Variants in ADAM12 observed in about 807,000 individuals in gnomAD.
ADAM12 encodes the protein disintegrin and metalloproteinase domain-containing protein 12.
A neutral mutation model predicts 106.4 loss-of-function variants in ADAM12; 70 were observed. That is an observed-to-expected ratio of 0.66 (90% CI 0.54 to 0.80). The LOEUF (loss-of-function observed/expected upper bound fraction) is 0.80. ADAM12 is among the 30% of genes least tolerant of loss of function. ADAM12 has a pLI of 0.00. For missense variants in ADAM12, 1,010 were observed against 1,171.9 expected, an observed-to-expected ratio of 0.86 and a Z score of 2.02; for synonymous variants, 420 against 433.5, an observed-to-expected ratio of 0.97 and a Z score of 0.39.
At position 126,134,340 on chromosome 10, in the gene ADAM12, G is replaced by A. The variant is rs1038641377; in HGVS notation, c.416+1244C>T. 1.3e-4 allele frequency among the ~76,000 whole-genome samples: 20 copies of A among 152,292 alleles called. 1 individual carries two copies. Among genetic ancestry groups the A allele is most frequent in the African/African-American group, 2.6e-4 (11 of 41,570 alleles). On this transcript the variant is annotated intron_variant, in intron 5 of 22. Coordinates refer to ENST00000448723, the MANE Select transcript of ADAM12 (RefSeq NM_001288973.2). ...CAGGGTTGGGTGACAAAAGAAAGCC[G>A]TAGAATGATGTATATGATGTGACTC...
intron 3 of ADAM12, among the ~76,000 whole-genome samples, chr10:126,237,947 G>A (rs1231411866): frequency 6.6e-6 from 1 of 152,174 alleles, no homozygotes; most frequent in Admixed American, 6.5e-5. Context: ...GTGACACACC[G>A]TTTGTTGAAT....
chr10:126,071,394 G>A, intron 12 of ADAM12, 83 bp downstream of exon 12: 1 of 1,518,154 alleles, frequency 6.6e-7, no homozygotes, highest in African/African-American at 1.4e-5. Flanking sequence ...TCATCTGGCT[G>A]TACAGTTCCT....
At chr10:126,320,058 C>A (rs975446673) in intron 2 of ADAM12, among the ~76,000 whole-genome samples, 1 of 152,186 alleles carries the variant, frequency 6.6e-6, no homozygotes, top group Non-Finnish European at 1.5e-5. Flanking sequence ...CGAAAACCTT[C>A]GCTATTACAA....
intron 2 of ADAM12, among the ~76,000 whole-genome samples, chr10:126,318,502 AC>A (rs1853968727): frequency 6.9e-6 from 1 of 145,478 alleles, no homozygotes; most frequent in African/African-American, 2.5e-5. Flanking sequence ...TCAGAGCCAC[AC>A]TCTCTCACAC....
intron 3 of ADAM12, among the ~76,000 whole-genome samples, chr10:126,180,032 G>C (rs1957285551): frequency 6.6e-6 from 1 of 152,138 alleles, no homozygotes; most frequent in Admixed American, 6.5e-5. Context: ...TAGGCTACAA[G>C]GTCCATACAA....
chr10:126,268,255 T>C (rs552398844), intron 3 of ADAM12, among the ~76,000 whole-genome samples: 6 of 152,384 alleles, frequency 3.9e-5, no homozygotes, highest in African/African-American at 1.4e-4. Context: ...GTCTGAGTCA[T>C]TTCACTTAGC....
At chr10:126,259,508 T>C (rs1456349651) in intron 3 of ADAM12, among the ~76,000 whole-genome samples, 1 of 152,236 alleles carries the variant, frequency 6.6e-6, no homozygotes, top group Non-Finnish European at 1.5e-5. Context: ...CTCATTTCTT[T>C]GTTCACTCAA....
intron 1 of ADAM12, among the ~76,000 whole-genome samples, chr10:126,347,136 G>T (rs1003864966): frequency 6.6e-6 from 1 of 152,154 alleles, no homozygotes. Context: ...TTTACAATTT[G>T]GCATGTTTTT....
At chr10:126,318,356 T>A (rs952110956) in intron 2 of ADAM12, among the ~76,000 whole-genome samples, 4 of 150,722 alleles carry the variant, frequency 2.7e-5, no homozygotes, top group Admixed American at 2.0e-4. Flanking sequence ...ACATTCACAC[T>A]CTCTCACTCG....
At chr10:126,335,554 T>G (rs1209973957) in intron 1 of ADAM12, among the ~76,000 whole-genome samples, 2 of 152,186 alleles carry the variant, frequency 1.3e-5, no homozygotes, top group Admixed American at 6.5e-5. Context: ...GTGGTGATGC[T>G]CCTATAAATG....
chr10:126,328,938 T>C (rs1159634998), intron 2 of ADAM12, among the ~76,000 whole-genome samples: 1 of 152,110 alleles, frequency 6.6e-6, no homozygotes, highest in Non-Finnish European at 1.5e-5. Context: ...TTGTGATGTC[T>C]GCCAGGTGGC....
intron 3 of ADAM12, among the ~76,000 whole-genome samples, chr10:126,199,790 A>G (rs1423641055): frequency 2.0e-5 from 3 of 152,220 alleles, no homozygotes; most frequent in Non-Finnish European, 4.4e-5. Context: ...AAAATAAGTC[A>G]TCCTATCCCT....
Position 126,047,207 on chromosome 10 carries a change from T to G in ADAM12, c.1918-1075A>C, listed in dbSNP as rs184022548. On this transcript the variant is annotated intron_variant, in intron 16 of 22. Coordinates refer to ENST00000448723, the MANE Select transcript of ADAM12 (RefSeq NM_001288973.2). ...AGTCAAAGGAAAAAGAGTCTAACGTTCAAATGGCAGAAGAATTTTTAATCA... is the reference window on the plus strand; with the variant it reads ...AGTCAAAGGAAAAAGAGTCTAACGTGCAAATGGCAGAAGAATTTTTAATCA... 2.0e-5 allele frequency among the ~76,000 whole-genome samples: 3 copies of G among 152,304 alleles called. No individual in the cohort carries two copies. In the East Asian group the frequency reaches 5.8e-4, roughly 29 times the overall value.
At position 126,266,764 on chromosome 10, in the gene ADAM12, A is replaced by G. The variant is rs191229466; in HGVS notation, c.260+12151T>C. Among the ~76,000 whole-genome samples, 10 of 152,252 alleles carry G rather than the reference A, an allele frequency of 6.6e-5. 1 individual carries two copies. In the East Asian group the frequency reaches 1.9e-3, roughly 29 times the overall value. Reference sequence around the variant, plus strand: ...CATGGTGGATGGCAGAGTGGGAGCAAGCATCTCACATGGTCAGAGCAGGAG... The same window carrying G: ...CATGGTGGATGGCAGAGTGGGAGCAGGCATCTCACATGGTCAGAGCAGGAG... On this transcript the variant is annotated intron_variant, in intron 3 of 22. Transcript: ENST00000448723.
intron 12 of ADAM12, among the ~76,000 whole-genome samples, chr10:126,068,363 T>C (rs1284517555): frequency 6.6e-6 from 1 of 151,998 alleles, no homozygotes; most frequent in African/African-American, 2.4e-5. Context: ...ATCTGGGTCC[T>C]AAAATTCTTT....
intron 5 of ADAM12, among the ~76,000 whole-genome samples, chr10:126,123,711 G>C (rs529693413): frequency 6.6e-6 from 1 of 152,178 alleles, no homozygotes; most frequent in Non-Finnish European, 1.5e-5. Context: ...TGTGTGCCCC[G>C]GGCTTGGGCC....
chr10:126,111,429 A>T (rs184238665), intron 6 of ADAM12, among the ~76,000 whole-genome samples: 75 of 152,326 alleles, frequency 4.9e-4, no homozygotes, highest in African/African-American at 1.5e-3. Context: ...GAGGCGTGAA[A>T]GAGGCAGAAC....
At chr10:126,235,825 C>T (rs1034432919) in intron 3 of ADAM12, among the ~76,000 whole-genome samples, 10 of 152,178 alleles carry the variant, frequency 6.6e-5, no homozygotes, top group African/African-American at 2.4e-4. Flanking sequence ...AGGGCCAAAT[C>T]GCAGGGCCTG....
chr10:126,229,780 C>T (rs1473109731), intron 3 of ADAM12, among the ~76,000 whole-genome samples: 1 of 152,102 alleles, frequency 6.6e-6, no homozygotes, highest in Non-Finnish European at 1.5e-5. Context: ...CTGTTCATGC[C>T]TGCTGTTCAG....
Sources: allele counts gnomAD v4.1 joint callset (sites outside exome capture counted in the v4.1 genomes callset), GRCh38; gene constraint gnomAD v4.1.1; transcripts MANE v1.5; gene names NCBI Gene and HGNC (gene_info 2026-07-23, HGNC 2026-07-21).